Variants in MME observed in about 807,000 individuals in gnomAD.
MME encodes the protein membrane metalloendopeptidase.
A neutral mutation model predicts 113.2 loss-of-function variants in MME; 98 were observed. The ratio of observed to expected loss-of-function variants is 0.87; its 90% confidence interval spans 0.74 to 1.02. The LOEUF is 1.02. Ranked by LOEUF, MME falls within the 50% of genes least tolerant of loss-of-function variation. The pLI, the probability that MME is intolerant of heterozygous loss-of-function variation, is 0.00. For missense variants in MME, 836 were observed against 896.0 expected, an observed-to-expected ratio of 0.93 and a Z score of 0.86; for synonymous variants, 292 against 300.6, an observed-to-expected ratio of 0.97 and a Z score of 0.30.
In MME at chr3:155,166,912, C is replaced by A. The variant is rs199570214; in HGVS notation, c.1671C>A (p.Ala557=). 1.2e-6 allele frequency: 2 copies of A among 1,613,608 alleles called. No homozygotes were observed. The highest frequency in any genetic ancestry group is 1.7e-6 in the Non-Finnish European group (2 of 1,179,700). ...CTTCTCTCCTTGTAGTCTTCCCAGCCGGCATTCTGCAGCCCCCCTTCTTTA... is the reference window on the plus strand; with the variant it reads ...CTTCTCTCCTTGTAGTCTTCCCAGCAGGCATTCTGCAGCCCCCCTTCTTTA... ...SSGRNQIVFP[A]GILQPPFFSA... Residue 557 remains alanine, a synonymous_variant, in exon 18 of 23, where the codon GCC becomes GCA. Coordinates refer to ENST00000360490, the MANE Select transcript of MME (RefSeq NM_007289.4).
At chr3:155,096,624 G>A (rs766972878) in intron 3 of MME, among the ~76,000 whole-genome samples, 1 of 152,274 alleles carries the variant, frequency 6.6e-6, no homozygotes, top group Non-Finnish European at 1.5e-5. Context: ...AAGAATGGCT[G>A]TGGGCAGGAA....
At chr3:155,110,420 T>G (rs1486689928) in intron 3 of MME, among the ~76,000 whole-genome samples, 1 of 152,214 alleles carries the variant, frequency 6.6e-6, no homozygotes, top group Admixed American at 6.5e-5. Flanking sequence ...CAGCGTATAC[T>G]ACATCTCCCA....
chr3:155,040,449 A>G (rs1276226188), intron 1 of MME, among the ~76,000 whole-genome samples: 1 of 152,156 alleles, frequency 6.6e-6, no homozygotes, highest in Non-Finnish European at 1.5e-5. Flanking sequence ...AGGATTAAAT[A>G]TATGTTTACA....
intron 1 of MME, among the ~76,000 whole-genome samples, chr3:155,070,976 G>A (rs1192836145): frequency 1.3e-5 from 2 of 152,126 alleles, no homozygotes; most frequent in Non-Finnish European, 2.9e-5. Flanking sequence ...CAGAGTCAGG[G>A]CCACAGCTGT....
intron 3 of MME, among the ~76,000 whole-genome samples, chr3:155,105,350 C>T (rs1461792006): frequency 6.6e-6 from 1 of 152,120 alleles, no homozygotes; most frequent in Non-Finnish European, 1.5e-5. Flanking sequence ...GTTCCTCTGC[C>T]TCTCTGTAGA....
At chr3:155,126,626 C>T (rs1719681621) in intron 8 of MME, among the ~76,000 whole-genome samples, 1 of 152,030 alleles carries the variant, frequency 6.6e-6, no homozygotes, top group South Asian at 2.1e-4. Context: ...CTTAGTAAGT[C>T]AGTAGAATTT....
At chr3:155,133,060 A>ATAT (rs1278838107) in intron 8 of MME, among the ~76,000 whole-genome samples, 2 of 90,188 alleles carry the variant, frequency 2.2e-5, no homozygotes, top group African/African-American at 9.0e-5. Context: ...AAAAAAAAAA[A>ATAT]AAATATATAT....
At chr3:155,054,545 G>C (rs1468157608) in intron 1 of MME, among the ~76,000 whole-genome samples, 5 of 152,296 alleles carry the variant, frequency 3.3e-5, no homozygotes, top group African/African-American at 9.6e-5. Flanking sequence ...GGCTAGACTG[G>C]GTGCAGTGGC....
At chr3:155,138,629 G>T in intron 9 of MME, among the ~76,000 whole-genome samples, 1 of 152,170 alleles carries the variant, frequency 6.6e-6, no homozygotes, top group East Asian at 1.9e-4. Flanking sequence ...TGATCACAGA[G>T]ATTGTCTCTA....
At chr3:155,106,716 T>A (rs990207834) in intron 3 of MME, among the ~76,000 whole-genome samples, 2 of 152,176 alleles carry the variant, frequency 1.3e-5, no homozygotes, top group East Asian at 3.9e-4. Flanking sequence ...ACTTTTAGAA[T>A]GTTGTCAAAA....
intron 1 of MME, among the ~76,000 whole-genome samples, chr3:155,030,601 AT>A (rs1023759206): frequency 3.3e-5 from 5 of 151,984 alleles, no homozygotes; most frequent in African/African-American, 1.2e-4. Flanking sequence ...AACCAAGAGT[AT>A]TTTTTCACAA....
intron 3 of MME, among the ~76,000 whole-genome samples, chr3:155,101,311 G>A (rs537191454): frequency 3.9e-5 from 6 of 152,156 alleles, no homozygotes; most frequent in Non-Finnish European, 7.3e-5. Context: ...ATTTTGCATG[G>A]TGCATATCAA....
At position 155,150,547 on chromosome 3, in the gene MME, C is replaced by T. The variant is rs1721848508; in HGVS notation, c.1601+1894C>T. On this transcript the variant is annotated intron_variant, in intron 16 of 22. Transcript: ENST00000360490. ...GCTTTCCTTTCTTTCCTATAGTCTG[C>T]CTGTATACCAGATACAAAGGTTCAA... 1.3e-5 allele frequency among the ~76,000 whole-genome samples: 2 copies of T among 152,100 alleles called. 1 individual carries two copies. Among genetic ancestry groups the T allele is most frequent in the Non-Finnish European group, 2.9e-5 (2 of 68,024 alleles).
intron 1 of MME, among the ~76,000 whole-genome samples, chr3:155,038,372 C>A (rs560205588): frequency 6.6e-6 from 1 of 152,280 alleles, no homozygotes; most frequent in South Asian, 2.1e-4. Flanking sequence ...GCCTTGCCCA[C>A]CAACCCTGGC....
intron 3 of MME, among the ~76,000 whole-genome samples, chr3:155,093,429 G>A (rs1248706414): frequency 6.6e-6 from 1 of 152,130 alleles, no homozygotes; most frequent in Admixed American, 6.5e-5. Flanking sequence ...GTGTCCAGGT[G>A]TACCAGCCAT....
At chr3:155,076,824 A>G (rs1714764548), upstream of MME, among the ~76,000 whole-genome samples, 1 of 152,182 alleles carries the variant, frequency 6.6e-6, no homozygotes, top group South Asian at 2.1e-4. Context: ...GGATGTTGCT[A>G]TAGCATTTGT....
chr3:155,126,767 A>G (rs886881779), intron 8 of MME, among the ~76,000 whole-genome samples: 44 of 152,168 alleles, frequency 2.9e-4, no homozygotes, highest in African/African-American at 9.4e-4. Context: ...TGGGAGGCCA[A>G]GGCGGGTGGA....
chr3:155,119,366 A>G (rs1718901567), intron 8 of MME, among the ~76,000 whole-genome samples: 1 of 143,114 alleles, frequency 7.0e-6, no homozygotes, highest in Admixed American at 6.9e-5. Flanking sequence ...GTGCTTTCTT[A>G]TTGTCTCACA....
Position 155,096,567 on chromosome 3 carries a change from C to T in MME, c.196+11473C>T, listed in dbSNP as rs528776807. Among the ~76,000 whole-genome samples the T allele has an allele frequency of 7.2e-5, 11 of 152,200 alleles. No individual in the cohort carries two copies. In the South Asian group the frequency reaches 1.2e-3, roughly 17 times the overall value. ...TCACAGAAGGAAGGGTTTTAAATGA[C>T]GCATGACTTTATCAGAATTATTGAG... On this transcript the variant is annotated intron_variant, in intron 3 of 22. Coordinates refer to ENST00000360490, the MANE Select transcript of MME (RefSeq NM_007289.4).
Sources: allele counts gnomAD v4.1 joint callset (sites outside exome capture counted in the v4.1 genomes callset), GRCh38; gene constraint gnomAD v4.1.1; transcripts MANE v1.5; gene names NCBI Gene and HGNC (gene_info 2026-07-23, HGNC 2026-07-21).